SETDB2: variants seen among roughly 807,000 people sequenced by gnomAD.
SETDB2 encodes the protein SET domain bifurcated histone lysine methyltransferase 2, also known as histone-lysine N-methyltransferase SETDB2.
SETDB2 carries 56 observed loss-of-function variants against 82.5 expected under a neutral mutation model. The ratio of observed to expected loss-of-function variants is 0.68; its 90% CI spans 0.55 to 0.85. The LOEUF (loss-of-function observed/expected upper bound fraction) is 0.85, where lower values mean the gene tolerates loss of function less well. SETDB2 is among the 40% of genes least tolerant of loss of function. The pLI is 0.00. For synonymous variants in SETDB2, 272 were observed against 284.9 expected (o/e 0.95, Z 0.46); for missense variants, 677 against 816.4 (o/e 0.83, Z 2.08).
At chr13:49,483,608 AATTTTTTTTTT>A (rs1958523680) in intron 10 of SETDB2, 45 bp downstream of exon 10, 13 of 490,626 alleles carry the variant, frequency 2.6e-5, no homozygotes, top group Admixed American at 4.9e-5. Flanking sequence ...TTCTTTTTTA[AATTTTTTTTTT>A]TTTTTTTTTT....
chr13:49,482,619 G>A lies in SETDB2; in HGVS notation c.1157-118G>A, dbSNP rs112867566. The stretch of plus-strand genomic sequence containing the variant: ...ACAGTTTTGTAGGATGAGTTAATGT[G>A]TTTATCTTCATTGTAGAATGTGTGG... On this transcript the variant is annotated intron_variant, in intron 8 of 13. Transcript: ENST00000611815. 190 of 702,016 alleles carry A rather than the reference G, an allele frequency of 2.7e-4. No individual in the cohort carries two copies. The African/African-American group carries it at 3.2e-3, about 12-fold the overall frequency. The allele number at this position is 702,016 out of a possible 1,614,324, so 43.5% of individuals were successfully genotyped here.
At chr13:49,448,069 G>T (rs1957725938) in intron 1 of SETDB2, among the ~76,000 whole-genome samples, 2 of 151,976 alleles carry the variant, frequency 1.3e-5, no homozygotes, top group Admixed American at 6.6e-5. Flanking sequence ...TTCAGAACAG[G>T]TTTGTGTTTG....
intron 5 of SETDB2, among the ~76,000 whole-genome samples, chr13:49,475,491 A>G (rs1958337067): frequency 1.4e-5 from 2 of 145,992 alleles, no homozygotes; most frequent in Non-Finnish European, 1.5e-5. Flanking sequence ...CTTTTCACGG[A>G]TTTTTTTTTT....
intron 7 of SETDB2, 81 bp from the exon 8 acceptor site, chr13:49,480,866 A>G (rs1054461636): frequency 1.4e-6 from 2 of 1,452,562 alleles, no homozygotes; most frequent in Admixed American, 1.8e-5. Context: ...TGCTTCCCTC[A>G]GTAGTTATCA....
Position 49,480,203 on chromosome 13 carries a change from A to G in SETDB2, c.870-16A>G. On this transcript the variant is annotated splice_polypyrimidine_tract_variant and intron_variant, in intron 6 of 13. Transcript: ENST00000611815. The stretch of plus-strand genomic sequence containing the variant: ...CTGCTTTTTCATTCTTTCTCCATCC[A>G]TTGCCTGCCTTTTAGAACAAAATGT... 1 of 1,559,310 alleles carries G rather than the reference A, an allele frequency of 6.4e-7. No homozygotes were observed. Among genetic ancestry groups the G allele is most frequent in the Non-Finnish European group, 8.7e-7 (1 of 1,142,928 alleles).
chr13:49,474,435 ATAAC>A (rs1178004672), intron 5 of SETDB2, among the ~76,000 whole-genome samples: 1 of 152,228 alleles, frequency 6.6e-6, no homozygotes, highest in African/African-American at 2.4e-5. Context: ...TATTAATGAA[ATAAC>A]TAACCCATTT....
chr13:49,462,125 G>A (rs1049001409), intron 4 of SETDB2, among the ~76,000 whole-genome samples: 1 of 152,138 alleles, frequency 6.6e-6, no homozygotes, highest in African/African-American at 2.4e-5. Flanking sequence ...CTGTTGTTCA[G>A]GGGTTTTGTG....
intron 5 of SETDB2, among the ~76,000 whole-genome samples, chr13:49,471,620 C>T (rs1958243371): frequency 6.6e-6 from 1 of 151,740 alleles, no homozygotes; most frequent in East Asian, 1.9e-4. Context: ...TGGCTTTTTA[C>T]ATGACATGCA....
In SETDB2 at chr13:49,477,761, TAG is replaced by T. The variant is rs1958398923; in HGVS notation, c.869+724_869+725del. On this transcript the variant is annotated intron_variant, in intron 6 of 13. Transcript: ENST00000611815. The stretch of plus-strand genomic sequence containing the variant: ...CAGAGAAGTCAATTTGGAGAGGTCA[TAG>T]AACAAATTGTAGAGACAGGATTTGA... 2.0e-5 allele frequency among the ~76,000 whole-genome samples: 3 copies of T among 152,212 alleles called. No homozygotes were observed. In the South Asian group the frequency reaches 6.2e-4, roughly 31 times the overall value.
chr13:49,454,311 G>T (rs1957838518), intron 2 of SETDB2, among the ~76,000 whole-genome samples: 1 of 152,060 alleles, frequency 6.6e-6, no homozygotes, highest in African/African-American at 2.4e-5. Context: ...CCAGAGGCTG[G>T]GGCATGATAA....
intron 2 of SETDB2, among the ~76,000 whole-genome samples, chr13:49,455,347 C>G (rs574460581): frequency 6.6e-6 from 1 of 152,226 alleles, no homozygotes; most frequent in Admixed American, 6.5e-5. Context: ...TGGAGTCTGA[C>G]ATATCATTGA....
Position 49,485,630 on chromosome 13 carries a change from G to A in SETDB2, c.1483G>A (p.Glu495Lys). The A allele has an allele frequency of 6.2e-7, 1 of 1,606,450 alleles. No homozygotes were observed. Among genetic ancestry groups the A allele is most frequent in the Non-Finnish European group, 8.5e-7 (1 of 1,177,488 alleles). Reference sequence around the variant, plus strand: ...AAGACATCTTCCTTGTTTTTTTAAGGAATTTGTTTCCTCGGAGTCTGTCAC... The same window carrying A: ...AAGACATCTTCCTTGTTTTTTTAAGAAATTTGTTTCCTCGGAGTCTGTCAC... ...AIFQHNGKKM[E>K]FVSSESVTPE... Residue 495 changes from glutamate (E) to lysine (K), a missense_variant and splice_region_variant, in exon 11 of 14, where the codon GAA becomes AAA. Physicochemically the swap from Glu to Lys is moderately conservative, Grantham distance 56. Around this residue, in one of 3 missense-constraint regions of SETDB2, gnomAD observed 420 missense variants for 554.6 expected, o/e 0.76. Coordinates refer to ENST00000611815, the MANE Select transcript of SETDB2 (RefSeq NM_001160308.3).
At chr13:49,470,962 C>CTTTA in intron 5 of SETDB2, among the ~76,000 whole-genome samples, 1 of 13,980 alleles carries the variant, frequency 7.2e-5, no homozygotes. Flanking sequence ...TTCTTTCTTT[C>CTTTA]TTTCTTTTTT....
chr13:49,471,581 A>T (rs1958242586), intron 5 of SETDB2, among the ~76,000 whole-genome samples: 1 of 152,128 alleles, frequency 6.6e-6, no homozygotes, highest in South Asian at 2.1e-4. Flanking sequence ...TTAAAGACAC[A>T]GGTGTAAATT....
intron 11 of SETDB2, among the ~76,000 whole-genome samples, chr13:49,486,538 CTT>C (rs1020683820): frequency 2.6e-5 from 4 of 152,140 alleles, no homozygotes; most frequent in Non-Finnish European, 5.9e-5. Flanking sequence ...ACTCTTGAGT[CTT>C]TGTGGTGCAC....
In SETDB2 at chr13:49,483,554, G is replaced by GA. The variant is rs768645211; in HGVS notation, c.1480dup (p.Met494AsnfsTer14). Reference sequence around the variant, plus strand: ...AGACAGCCATTTTTCAACACAATGGGAAAAAAATGGTAAAAAATGCAAAAT... The same window carrying GA: ...AGACAGCCATTTTTCAACACAATGGGAAAAAAAATGGTAAAAAATGCAAAAT... On this transcript the variant is annotated frameshift_variant, in exon 10 of 14. Coordinates refer to ENST00000611815, the MANE Select transcript of SETDB2 (RefSeq NM_001160308.3). LOFTEE classifies it high-confidence loss of function. 11 of 1,420,576 alleles carry GA rather than the reference G, an allele frequency of 7.7e-6. No individual in the cohort carries two copies. The highest frequency in any genetic ancestry group is 4.7e-5 in the Admixed American group (2 of 42,144). The allele number at this position is 1,420,576 out of a possible 1,614,324, so 88.0% of individuals were successfully genotyped here.
intron 1 of SETDB2, among the ~76,000 whole-genome samples, chr13:49,448,737 C>T (rs7358961): frequency 0.048 from 7,250 of 152,082 alleles, 255 homozygotes; most frequent in South Asian, 0.13. Flanking sequence ...CTGTTGGGTG[C>T]AGGGTTCTAT....
intron 5 of SETDB2, among the ~76,000 whole-genome samples, chr13:49,470,058 CG>C (rs1566164988): frequency 6.6e-6 from 1 of 152,154 alleles, no homozygotes. Context: ...CTTACAGTTT[CG>C]TACCAATGTT....
chr13:49,476,580 G>T lies in SETDB2; in HGVS notation c.410G>T (p.Gly137Val). 1.9e-6 allele frequency: 3 copies of T among 1,614,106 alleles called. No homozygotes were observed. Among genetic ancestry groups the T allele is most frequent in the Non-Finnish European group, 1.7e-6 (2 of 1,180,032 alleles). ...NLSYQSHDCS[G>V]ACLMKMPLNL... The stretch of plus-strand genomic sequence containing the variant: ...TCTTACCAAAGTCATGACTGCTCTG[G>T]TGCTTGTCTGATGAAAATGCCACTG... The change falls in exon 6 of 14, where the codon GGT (glycine) becomes GTT (valine). Residue 137 changes from glycine (G) to valine (V), a missense_variant. Physicochemically the swap from Gly to Val is moderately radical, Grantham distance 109. Around this residue, in one of 3 missense-constraint regions of SETDB2, gnomAD observed 243 missense variants for 237.2 expected, o/e 1.02. Transcript: ENST00000611815.
Sources: allele counts gnomAD v4.1 joint callset (sites outside exome capture counted in the v4.1 genomes callset), GRCh38; gene constraint gnomAD v4.1.1; regional missense constraint gnomAD v4.1.1; transcripts MANE v1.5; gene names NCBI Gene and HGNC (gene_info 2026-07-23, HGNC 2026-07-21).